CRYBB1: variants seen among roughly 807,000 people sequenced by gnomAD.
CRYBB1 encodes the protein beta-crystallin B1.
Under a neutral mutation model 29.5 loss-of-function variants are expected in CRYBB1, and 16 were observed. The observed-to-expected ratio is 0.54, with a 90% CI of 0.37 to 0.82. CRYBB1 has a LOEUF of 0.82. Among genes scored for constraint, CRYBB1 ranks in the 40% least tolerant of loss-of-function variants. The probability of loss-of-function intolerance (pLI) is 0.00; values close to 1 mark genes in which losing one functional copy is unlikely to be tolerated. For missense variants in CRYBB1, 300 were observed against 350.5 expected (o/e 0.86, Z 1.15); for synonymous variants, 127 against 136.7 (o/e 0.93, Z 0.49).
chr22:26,610,654 A>G (rs1343451304), intron 3 of CRYBB1, among the ~76,000 whole-genome samples: 1 of 152,124 alleles, frequency 6.6e-6, no homozygotes, highest in African/African-American at 2.4e-5. Flanking sequence ...AGTTGGCTAA[A>G]TTCACCGGGC....
At chr22:26,614,404 G>C (rs936880448) in intron 2 of CRYBB1, among the ~76,000 whole-genome samples, 1 of 152,082 alleles carries the variant, frequency 6.6e-6, no homozygotes, top group Non-Finnish European at 1.5e-5. Context: ...CAAGCTGGCC[G>C]ACGCTTAGGA....
intron 2 of CRYBB1, among the ~76,000 whole-genome samples, chr22:26,612,721 T>G: frequency 6.6e-6 from 1 of 152,202 alleles, no homozygotes. Context: ...TTTCAGGCCT[T>G]TCTTTGTGCT....
At chr22:26,606,342 A>G (rs1191952366) in intron 4 of CRYBB1, among the ~76,000 whole-genome samples, 1 of 152,250 alleles carries the variant, frequency 6.6e-6, no homozygotes, top group Non-Finnish European at 1.5e-5. Context: ...AACCAATATA[A>G]TGATATCAAT....
At chr22:26,613,559 C>A (rs1000961770) in intron 2 of CRYBB1, among the ~76,000 whole-genome samples, 1 of 152,212 alleles carries the variant, frequency 6.6e-6, no homozygotes, top group East Asian at 1.9e-4. Flanking sequence ...GTAAAGATTT[C>A]ATGGACACTT....
At chr22:26,616,465 G>T in intron 1 of CRYBB1, 127 bp from the exon 2 acceptor site, 1 of 692,806 alleles carries the variant, frequency 1.4e-6, no homozygotes, top group Non-Finnish European at 2.5e-6. Context: ...AAACGGTTAA[G>T]CCTGGAAGTT....
At position 26,605,671 on chromosome 22, in the gene CRYBB1, C is replaced by CAAAA. The variant is rs771110435; in HGVS notation, c.432+2214_432+2217dup. ...CTGGGCAACAGAGTTAGATGTGTCTCAAAAAAAAAAAAAAAAAAAAAGGAA... is the reference window on the plus strand; with the variant it reads ...CTGGGCAACAGAGTTAGATGTGTCTCAAAAAAAAAAAAAAAAAAAAAAAAAGGAA... On this transcript the variant is annotated intron_variant, in intron 4 of 5. Transcript: ENST00000647684. Among the ~76,000 whole-genome samples the CAAAA allele has an allele frequency of 1.5e-4, 8 of 54,188 alleles. 1 individual carries two copies. In the East Asian group the frequency reaches 1.8e-3, roughly 12 times the overall value. The allele number at this position is 54,188 out of a possible 152,430, so 35.5% of individuals were successfully genotyped here. A position where few individuals can be genotyped will look rare whatever the true frequency, so the allele number is the denominator to read the frequency against.
chr22:26,601,997 G>A lies in CRYBB1; in HGVS notation c.457C>T (p.Leu153=), dbSNP rs761803355. 1.9e-6 allele frequency: 3 copies of A among 1,613,770 alleles called. No individual in the cohort carries two copies. Among genetic ancestry groups the A allele is most frequent in the Non-Finnish European group, 2.5e-6 (3 of 1,179,918 alleles). The change falls in exon 5 of 6, where the codon CTG becomes TTG. Residue 153 remains leucine (L), a synonymous_variant. Coordinates refer to ENST00000647684, the MANE Select transcript of CRYBB1 (RefSeq NM_001887.4). ...CCCTTGAAGTTGGCCCCTTCAAACA[G>A]GGAGATTTTGTGCTCCTGGGCATCC... is the stretch of plus-strand genomic sequence containing the variant. ...KMDAQEHKIS[L]FEGANFKGNT...
rs147535498 is a variant in CRYBB1 at position 26,604,276 on chromosome 22, A to C, written c.433-2255T>G. On this transcript the variant is annotated intron_variant, in intron 4 of 5. Transcript: ENST00000647684. ...TGAGTCTCAGTTTCCTTGCTTTTAA[A>C]ATGCATGTTATCATAGCCTGTAGCA... Among the ~76,000 whole-genome samples the C allele has an allele frequency of 4.9e-3, 745 of 152,330 alleles. 2 individuals carry two copies. The highest frequency in any genetic ancestry group is 0.017 in the African/African-American group (717 of 41,574).
intron 3 of CRYBB1, among the ~76,000 whole-genome samples, chr22:26,610,240 C>T (rs1463410752): frequency 6.6e-6 from 1 of 152,156 alleles, no homozygotes; most frequent in Non-Finnish European, 1.5e-5. Context: ...GTTAAGTCCC[C>T]AGCCTAAGGT....
At chr22:26,600,486 TG>T (rs1443738302) in intron 5 of CRYBB1, among the ~76,000 whole-genome samples, 5 of 152,196 alleles carry the variant, frequency 3.3e-5, no homozygotes. Context: ...CAAATATATG[TG>T]GGTTCAAATC....
chr22:26,600,949 T>C (rs537483567), intron 5 of CRYBB1, among the ~76,000 whole-genome samples: 9 of 152,356 alleles, frequency 5.9e-5, no homozygotes, highest in Non-Finnish European at 1.2e-4. Flanking sequence ...TATCTGGGTT[T>C]CCCTGCTAGG....
intron 2 of CRYBB1, among the ~76,000 whole-genome samples, chr22:26,613,406 A>G (rs1929241921): frequency 6.6e-6 from 1 of 152,254 alleles, no homozygotes; most frequent in African/African-American, 2.4e-5. Context: ...GCGGGAAGTC[A>G]GGGACCCCAA....
chr22:26,600,578 G>T (rs1027661634), intron 5 of CRYBB1, among the ~76,000 whole-genome samples: 1 of 152,160 alleles, frequency 6.6e-6, no homozygotes, highest in African/African-American at 2.4e-5. Context: ...CTGTACAGTG[G>T]GGATGATAAT....
At chr22:26,604,439 C>T (rs1037650986) in intron 4 of CRYBB1, among the ~76,000 whole-genome samples, 1 of 152,184 alleles carries the variant, frequency 6.6e-6, no homozygotes, top group Non-Finnish European at 1.5e-5. Context: ...GAGCCCAGAA[C>T]GTAAGTGCAT....
At chr22:26,611,710 G>A (rs1042317890) in intron 3 of CRYBB1, among the ~76,000 whole-genome samples, 10 of 152,116 alleles carry the variant, frequency 6.6e-5, no homozygotes, top group South Asian at 6.2e-4. Flanking sequence ...TCCTGACCTC[G>A]TGATCCACCC....
intron 4 of CRYBB1, among the ~76,000 whole-genome samples, chr22:26,603,452 C>T (rs943082068): frequency 6.6e-6 from 1 of 151,820 alleles, no homozygotes; most frequent in Non-Finnish European, 1.5e-5. Context: ...GTCACTTGAA[C>T]CTGGGAGGTG....
At chr22:26,602,196 C>T (rs993057051) in intron 4 of CRYBB1, among the ~76,000 whole-genome samples, 175 bp from the exon 5 acceptor site, 1 of 152,110 alleles carries the variant, frequency 6.6e-6, no homozygotes, top group African/African-American at 2.4e-5. Flanking sequence ...AATGGGATGA[C>T]AACTCCCACG....
chr22:26,610,784 G>T (rs1422993299), intron 3 of CRYBB1, among the ~76,000 whole-genome samples: 1 of 152,142 alleles, frequency 6.6e-6, no homozygotes, highest in Non-Finnish European at 1.5e-5. Flanking sequence ...AGTGGTGAGG[G>T]CCATCCTTCT....
Position 26,608,405 on chromosome 22 carries a change from C to T in CRYBB1, c.300-384G>A, listed in dbSNP as rs192411246. Among the ~76,000 whole-genome samples the T allele has an allele frequency of 2.0e-5, 3 of 148,730 alleles. No homozygotes were observed. The Admixed American group carries it at 2.1e-4, about 10-fold the overall frequency. Reference sequence around the variant, plus strand: ...CACATAGACATTTGAAACTTGACGCCAGCTAGGAGAAAGGCTCGTTTGATG... The same window carrying T: ...CACATAGACATTTGAAACTTGACGCTAGCTAGGAGAAAGGCTCGTTTGATG... On this transcript the variant is annotated intron_variant, in intron 3 of 5. Transcript: ENST00000647684.
Sources: gnomAD v4.1 joint callset for allele counts (sites outside exome capture counted in the v4.1 genomes callset) on GRCh38, gnomAD v4.1.1 for gene constraint, MANE v1.5 for transcripts, NCBI Gene and HGNC (gene_info 2026-07-23, HGNC 2026-07-21) for gene names.